Variants in SEPTIN9 observed in about 807,000 individuals in gnomAD.
SEPTIN9 encodes septin-9.
Under a neutral mutation model 56.6 loss-of-function variants are expected in SEPTIN9, and 13 were observed. That is an observed-to-expected ratio of 0.23 (90% CI 0.15 to 0.37). The LOEUF (loss-of-function observed/expected upper bound fraction) is 0.37, where lower values mean the gene tolerates loss of function less well. SEPTIN9 is among the 10% of genes least tolerant of loss of function. The pLI, the probability that SEPTIN9 is intolerant of heterozygous loss-of-function variation, is 1.00. For synonymous variants in SEPTIN9, 332 were observed against 334.1 expected, an observed-to-expected ratio of 0.99 and a Z score of 0.07; for missense variants, 650 against 823.1, an observed-to-expected ratio of 0.79 and a Z score of 2.57.
chr17:77,488,243 T>C lies in SEPTIN9; in HGVS notation c.1046T>C (p.Ile349Thr), dbSNP rs915977873. The stretch of plus-strand genomic sequence containing the variant: ...CTGCGTCCGTGGCTCTGTGCAGATA[T>C]TGAGGAGAAAGGCGTCCGGATGAAG... ...TIEIKSITHD[I>T]EEKGVRMKLT... The change falls in exon 6 of 12, where the codon ATT becomes ACT. Residue 349 changes from isoleucine (I) to threonine (T), a missense_variant. Physicochemically the swap from Ile to Thr is moderately conservative, Grantham distance 89. Coordinates refer to ENST00000427177, the MANE Select transcript of SEPTIN9 (RefSeq NM_001113491.2). 2 of 1,613,668 alleles carry C rather than the reference T, an allele frequency of 1.2e-6. No homozygotes were observed. The highest frequency in any genetic ancestry group is 3.3e-5 in the Admixed American group (2 of 60,016).
chr17:77,370,334 TC>T (rs1441598777), intron 2 of SEPTIN9, among the ~76,000 whole-genome samples: 1 of 152,214 alleles, frequency 6.6e-6, no homozygotes, highest in African/African-American at 2.4e-5. Flanking sequence ...GCTGCATCAC[TC>T]CGGTCTCTGC....
intron 2 of SEPTIN9, chr17:77,376,357 T>G: frequency 1.0e-6 from 1 of 985,624 alleles, no homozygotes; most frequent in South Asian, 4.7e-5. Context: ...AGCACAGGTC[T>G]CTTTCCCGGG....
rs2032807768 is a variant in SEPTIN9 at position 77,319,100 on chromosome 17, C to T, written c.76+11903C>T. 6.6e-6 allele frequency among the ~76,000 whole-genome samples: 1 copy of T among 152,226 alleles called. No homozygotes were observed. The highest frequency in any genetic ancestry group is 6.5e-5 in the Admixed American group (1 of 15,292). On this transcript the variant is annotated intron_variant, in intron 2 of 11. Transcript: ENST00000427177. This position sits in a 1 kb window ranked among gnomAD's most constrained non-coding sequence, Gnocchi z 5.3. ...CAGAGAGATTGCCTGAGTTCTCAGC[C>T]TTGGCACAAACACACATTCTCTTTA...
rs772701303 is a variant in SEPTIN9, at chr17:77,437,669, C to T, written c.721+34966C>T. Among the ~76,000 whole-genome samples the T allele has an allele frequency of 5.9e-5, 9 of 152,146 alleles. No homozygotes were observed. The South Asian group carries it at 8.3e-4, about 14-fold the overall frequency. On this transcript the variant is annotated intron_variant, in intron 3 of 11. Transcript: ENST00000427177. This position sits in a 1 kb window ranked among gnomAD's most constrained non-coding sequence, Gnocchi z 5.3. ...CAGTGGCCCTGGCCTGCCCAGTCAT[C>T]CTTCTGGGGTGGCCAAACTCCATGC...
chr17:77,385,612 C>A (rs2035309594), intron 2 of SEPTIN9, among the ~76,000 whole-genome samples: 1 of 152,152 alleles, frequency 6.6e-6, no homozygotes, highest in Admixed American at 6.5e-5. Context: ...TAATCTCCCC[C>A]TAGGATTGAG....
rs191889887 is a variant in SEPTIN9 at position 77,309,727 on chromosome 17, A to G, written c.76+2530A>G. 8.0e-5 allele frequency among the ~76,000 whole-genome samples: 12 copies of G among 150,124 alleles called. No individual in the cohort carries two copies. The East Asian group carries it at 2.3e-3, about 29-fold the overall frequency. On this transcript the variant is annotated intron_variant, in intron 2 of 11. Transcript: ENST00000427177. ...GATCAACGCTTTGGTCAGCTCACAC[A>G]CTTTCTTTCCTTTTAAAAAAAAAAT...
At position 77,458,929 on chromosome 17, in the gene SEPTIN9, G is replaced by A. The variant is rs144226689; in HGVS notation, c.722-23215G>A. 4.2e-3 allele frequency among the ~76,000 whole-genome samples: 644 copies of A among 152,342 alleles called. 2 individuals carry two copies. Among genetic ancestry groups the A allele is most frequent in the Non-Finnish European group, 7.6e-3 (516 of 68,026 alleles). On this transcript the variant is annotated intron_variant, in intron 3 of 11. Coordinates refer to ENST00000427177, the MANE Select transcript of SEPTIN9 (RefSeq NM_001113491.2). ...AGGTCAGCTCAGATATAGGGGCAAC[G>A]GGAGAGATGGGAGTGAGAAAATGGC...
At chr17:77,401,191 T>C (rs2035884500) in intron 2 of SEPTIN9, among the ~76,000 whole-genome samples, 1 of 152,176 alleles carries the variant, frequency 6.6e-6, no homozygotes, top group African/African-American at 2.4e-5. Context: ...ACTGGTATTC[T>C]TTACATCCCA....
intron 2 of SEPTIN9, among the ~76,000 whole-genome samples, chr17:77,401,575 A>G (rs1177505539): frequency 2.0e-5 from 3 of 152,046 alleles, no homozygotes; most frequent in Non-Finnish European, 4.4e-5. Flanking sequence ...GTGAAACCCC[A>G]TCTCTACTAA....
intron 1 of SEPTIN9, among the ~76,000 whole-genome samples, chr17:77,302,494 A>G (rs1347315014): frequency 8.6e-5 from 13 of 151,956 alleles, no homozygotes; most frequent in East Asian, 1.9e-4. Context: ...CCTGGCCAAC[A>G]TGGTGAAACC....
rs539085024 is a variant in SEPTIN9 at position 77,420,409 on chromosome 17, G to T, written c.721+17706G>T. On this transcript the variant is annotated intron_variant, in intron 3 of 11. Coordinates refer to ENST00000427177, the MANE Select transcript of SEPTIN9 (RefSeq NM_001113491.2). ...CTACTGGGCTGCGTCATGTCCTCTGGCCACCCTGGCCTTGGTGCCTGGCCC... is the reference window on the plus strand; with the variant it reads ...CTACTGGGCTGCGTCATGTCCTCTGTCCACCCTGGCCTTGGTGCCTGGCCC... Among the ~76,000 whole-genome samples, 3 of 152,282 alleles carry T rather than the reference G, an allele frequency of 2.0e-5. No individual in the cohort carries two copies. The East Asian group carries it at 5.8e-4, about 29-fold the overall frequency.
At chr17:77,341,948 TGGTG>T (rs890261744) in intron 2 of SEPTIN9, among the ~76,000 whole-genome samples, 46 of 149,772 alleles carry the variant, frequency 3.1e-4, no homozygotes, top group African/African-American at 1.1e-3. Context: ...CCGGGCGTGG[TGGTG>T]GGTGCCTGTA....
intron 3 of SEPTIN9, among the ~76,000 whole-genome samples, chr17:77,415,553 A>G (rs2036469995): frequency 6.7e-6 from 1 of 150,082 alleles, no homozygotes. Context: ...GCTTGAACCT[A>G]GGAGGTGGAG....
In SEPTIN9 at chr17:77,371,376, G is replaced by C. The variant is rs1568019247; in HGVS notation, c.77-30683G>C. Among the ~76,000 whole-genome samples the C allele has an allele frequency of 6.6e-6, 1 of 152,226 alleles. No individual in the cohort carries two copies. The highest frequency in any genetic ancestry group is 1.5e-5 in the Non-Finnish European group (1 of 68,044). ...TGCACTGTGCGTGGAGATGGAGAAT[G>C]TACAATTGGCTGACCCTGTGCTAAT... is the stretch of plus-strand genomic sequence containing the variant. On this transcript the variant is annotated intron_variant, in intron 2 of 11. Coordinates refer to ENST00000427177, the MANE Select transcript of SEPTIN9 (RefSeq NM_001113491.2). This position sits in a 1 kb window ranked among gnomAD's most constrained non-coding sequence, Gnocchi z 4.1.
At position 77,405,360 on chromosome 17, in the gene SEPTIN9, A is replaced by T. The variant is rs2036031146; in HGVS notation, c.721+2657A>T. Among the ~76,000 whole-genome samples the T allele has an allele frequency of 6.6e-6, 1 of 152,134 alleles. No homozygotes were observed. The highest frequency in any genetic ancestry group is 2.4e-5 in the African/African-American group (1 of 41,418). ...AGTGGAAGTACAATTTCATCAGGCC[A>T]GGAAGGGGAGAGAAAGGCAGGCCAC... On this transcript the variant is annotated intron_variant, in intron 3 of 11. Coordinates refer to ENST00000427177, the MANE Select transcript of SEPTIN9 (RefSeq NM_001113491.2). The surrounding 1 kb of genome is among the most constrained non-coding windows in gnomAD (Gnocchi z 5.8).
intron 3 of SEPTIN9, among the ~76,000 whole-genome samples, chr17:77,439,819 C>T (rs1025373179): frequency 6.6e-6 from 1 of 152,214 alleles, no homozygotes; most frequent in Non-Finnish European, 1.5e-5. Flanking sequence ...CTGCCTGGGG[C>T]GCCTCCTTCC....
intron 2 of SEPTIN9, among the ~76,000 whole-genome samples, chr17:77,379,465 G>A (rs530756495): frequency 3.3e-5 from 5 of 152,262 alleles, no homozygotes; most frequent in African/African-American, 4.8e-5. Flanking sequence ...TAGGAGCCAG[G>A]GACTTCTCAG....
intron 3 of SEPTIN9, among the ~76,000 whole-genome samples, chr17:77,461,052 C>G (rs1048727876): frequency 4.6e-5 from 7 of 152,256 alleles, no homozygotes; most frequent in Admixed American, 2.0e-4. Context: ...CACCTCTAAT[C>G]CCAGCACTTT....
chr17:77,404,338 G>A (rs2035995172), intron 3 of SEPTIN9, among the ~76,000 whole-genome samples: 1 of 152,108 alleles, frequency 6.6e-6, no homozygotes, highest in Admixed American at 6.6e-5. Flanking sequence ...TCTGCCCCCT[G>A]GGCTCAAGTG....
Sources: allele counts gnomAD v4.1 joint callset (sites outside exome capture counted in the v4.1 genomes callset), GRCh38; gene constraint gnomAD v4.1.1; non-coding constraint Gnocchi (gnomAD v3.1); transcripts MANE v1.5; gene names NCBI Gene and HGNC (gene_info 2026-07-23, HGNC 2026-07-21).